The following RNLS variants were observed in gnomAD, a reference collection of about 807,000 sequenced individuals.
RNLS encodes the protein renalase, FAD dependent amine oxidase.
Under a neutral mutation model 39.8 loss-of-function variants are expected in RNLS, and 39 were observed. The ratio of observed to expected loss-of-function variants is 0.98; its 90% confidence interval spans 0.76 to 1.28. RNLS has a LOEUF of 1.28. Ranked by LOEUF, RNLS falls within the 50% of genes most tolerant of loss-of-function variation. The pLI, the probability that RNLS is intolerant of heterozygous loss-of-function variation, is 0.00. For synonymous variants in RNLS, 147 were observed against 150.7 expected, an observed-to-expected ratio of 0.98 and a Z score of 0.18; for missense variants, 410 against 413.3, an observed-to-expected ratio of 0.99 and a Z score of 0.07.
chr10:88,343,000 C>G (rs1171227134), intron 5 of RNLS, among the ~76,000 whole-genome samples: 1 of 152,170 alleles, frequency 6.6e-6, no homozygotes, highest in Non-Finnish European at 1.5e-5. Flanking sequence ...GACTGTATGG[C>G]TTGCAAAGTC....
intron 4 of RNLS, among the ~76,000 whole-genome samples, chr10:88,498,524 T>A (rs1032509365): frequency 1.4e-5 from 2 of 147,236 alleles, no homozygotes; most frequent in Admixed American, 6.9e-5. Context: ...AGACAACTGG[T>A]GAAATTTGAA....
At chr10:88,405,647 A>G (rs967389099) in intron 4 of RNLS, among the ~76,000 whole-genome samples, 1 of 152,012 alleles carries the variant, frequency 6.6e-6, no homozygotes, top group African/African-American at 2.4e-5. Flanking sequence ...GTTCTTATCC[A>G]TTCTGCAGTT....
chr10:88,258,807 C>G, the RNLS span, among the ~76,000 whole-genome samples: 1 of 152,176 alleles, frequency 6.6e-6, no homozygotes, highest in Non-Finnish European at 1.5e-5. Context: ...GTTTTAGGAA[C>G]TACATCCACT....
chr10:88,306,441 TAAA>T (rs1844923553), intron 6 of RNLS, among the ~76,000 whole-genome samples: 1 of 151,314 alleles, frequency 6.6e-6, no homozygotes, highest in Admixed American at 6.6e-5. Flanking sequence ...GCTAGACTAA[TAAA>T]GAAGAAAAGA....
At chr10:88,506,775 A>G (rs1845820769) in intron 4 of RNLS, among the ~76,000 whole-genome samples, 1 of 152,096 alleles carries the variant, frequency 6.6e-6, no homozygotes, top group Non-Finnish European at 1.5e-5. Flanking sequence ...TGAGTATTCT[A>G]AAAAACCAAA....
downstream of RNLS, among the ~76,000 whole-genome samples, chr10:88,269,934 G>A (rs529323400): frequency 2.6e-5 from 4 of 152,056 alleles, no homozygotes; most frequent in South Asian, 4.1e-4. Context: ...TATAACCTCC[G>A]CCTCCTGGGT....
rs75947045 is a variant in RNLS, at chr10:88,417,718, T to C, written c.527-54993A>G. Among the ~76,000 whole-genome samples, 1,417 of 152,324 alleles carry C rather than the reference T, an allele frequency of 9.3e-3. 24 individuals are homozygous for C. The highest frequency in any genetic ancestry group is 0.031 in the African/African-American group (1,291 of 41,578). On this transcript the variant is annotated intron_variant, in intron 4 of 6. Transcript: ENST00000331772. Reference sequence around the variant, plus strand: ...GGACTTTAGCCATAACTTCCACATCTAGCCTAGAGGATGGGAACAAAGAAA... The same window carrying C: ...GGACTTTAGCCATAACTTCCACATCCAGCCTAGAGGATGGGAACAAAGAAA...
At chr10:88,488,184 A>C (rs1259742800) in intron 4 of RNLS, among the ~76,000 whole-genome samples, 1 of 152,106 alleles carries the variant, frequency 6.6e-6, no homozygotes, top group Non-Finnish European at 1.5e-5. Context: ...ATAATATAAA[A>C]CATTAAATTA....
chr10:88,475,279 G>A (rs1300127994), intron 4 of RNLS, among the ~76,000 whole-genome samples: 2 of 152,074 alleles, frequency 1.3e-5, no homozygotes, highest in Non-Finnish European at 2.9e-5. Flanking sequence ...GCAACCAACC[G>A]AGCCGCTTTA....
intron 4 of RNLS, among the ~76,000 whole-genome samples, chr10:88,504,061 C>G (rs1490750221): frequency 1.3e-5 from 2 of 152,106 alleles, no homozygotes; most frequent in Non-Finnish European, 2.9e-5. Context: ...AGCCTGCCAG[C>G]AACCACGTGA....
chr10:88,381,652 A>G (rs1851503792), intron 4 of RNLS, among the ~76,000 whole-genome samples: 1 of 152,044 alleles, frequency 6.6e-6, no homozygotes, highest in East Asian at 1.9e-4. Context: ...CTGTGATTAA[A>G]CAAATATTAA....
chr10:88,467,415 T>A (rs1413667937), intron 4 of RNLS, among the ~76,000 whole-genome samples: 1 of 151,806 alleles, frequency 6.6e-6, no homozygotes, highest in Non-Finnish European at 1.5e-5. Flanking sequence ...ACAAACACAC[T>A]CAAGAAAAAC....
In RNLS at chr10:88,406,654, T is replaced by A. The variant is rs145761511; in HGVS notation, c.527-43929A>T. ...TATGGAAAACAGTGTGGAGACTCCT[T>A]AAAGAACTAAAAGTAGAACTATCAT... On this transcript the variant is annotated intron_variant, in intron 4 of 6. Coordinates refer to ENST00000331772, the MANE Select transcript of RNLS (RefSeq NM_001031709.3). 7.0e-3 allele frequency among the ~76,000 whole-genome samples: 1,067 copies of A among 152,114 alleles called. 13 individuals are homozygous for A. Among genetic ancestry groups the A allele is most frequent in the African/African-American group, 0.024 (1,017 of 41,532 alleles).
the RNLS span, among the ~76,000 whole-genome samples, chr10:88,220,191 G>C: frequency 6.6e-6 from 1 of 152,230 alleles, no homozygotes; most frequent in Admixed American, 6.5e-5. Flanking sequence ...TAGTTCATAT[G>C]AATGAGTTGT....
chr10:88,508,697 G>T (rs903084009), intron 4 of RNLS, among the ~76,000 whole-genome samples: 1 of 151,980 alleles, frequency 6.6e-6, no homozygotes, highest in African/African-American at 2.4e-5. Context: ...CTTGTCTTTT[G>T]GTGGAGGCCC....
At chr10:88,575,311 A>C (rs1366707832) in intron 3 of RNLS, among the ~76,000 whole-genome samples, 1 of 149,290 alleles carries the variant, frequency 6.7e-6, no homozygotes, top group Non-Finnish European at 1.5e-5. Context: ...TGGTTCTCTA[A>C]GTATGAACCC....
intron 4 of RNLS, among the ~76,000 whole-genome samples, chr10:88,434,211 C>T (rs1159879518): frequency 6.6e-6 from 1 of 152,160 alleles, no homozygotes; most frequent in Non-Finnish European, 1.5e-5. Context: ...TTGCATGAAA[C>T]ATCAATGCAC....
intron 5 of RNLS, among the ~76,000 whole-genome samples, chr10:88,349,583 A>T (rs910814155): frequency 2.6e-5 from 4 of 152,172 alleles, no homozygotes; most frequent in African/African-American, 9.7e-5. Flanking sequence ...GATTATAGGC[A>T]TGAGCAAGTG....
intron 5 of RNLS, among the ~76,000 whole-genome samples, chr10:88,320,152 GA>G (rs79967084): frequency 0.024 from 3,191 of 133,160 alleles, 69 homozygotes; most frequent in African/African-American, 0.062. Flanking sequence ...CTCTCTAAAG[GA>G]AAAAAAAAAA....
Sources: allele counts gnomAD v4.1 joint callset (sites outside exome capture counted in the v4.1 genomes callset), GRCh38; gene constraint gnomAD v4.1.1; transcripts MANE v1.5; gene names NCBI Gene and HGNC (gene_info 2026-07-23, HGNC 2026-07-21).